Variants in PRELID2 observed in about 807,000 individuals in gnomAD.
PRELID2 encodes the protein PRELI domain-containing protein 2.
In PRELID2, 25 loss-of-function variants were observed where a neutral mutation model predicts 28.4. The ratio of observed to expected loss-of-function variants is 0.88; its 90% confidence interval spans 0.64 to 1.23. PRELID2 has a LOEUF of 1.23. Ranked by LOEUF, PRELID2 falls within the 50% of genes most tolerant of loss-of-function variation. The pLI is 0.00. For missense variants in PRELID2, 201 were observed against 214.4 expected, an observed-to-expected ratio of 0.94 and a Z score of 0.39; for synonymous variants, 76 against 71.6, an observed-to-expected ratio of 1.06 and a Z score of -0.31.
the PRELID2 span, among the ~76,000 whole-genome samples, chr5:145,380,358 C>T: frequency 7.9e-5 from 12 of 152,158 alleles, no homozygotes; most frequent in African/African-American, 2.7e-4. Flanking sequence ...TGGTGCCTTC[C>T]CTCTGAAGAT....
the PRELID2 span, among the ~76,000 whole-genome samples, chr5:145,341,585 A>T: frequency 6.6e-6 from 1 of 152,068 alleles, no homozygotes; most frequent in South Asian, 2.1e-4. Flanking sequence ...ACCAGGTATA[A>T]ATTCTGGCAC....
At chr5:145,340,925 G>A in the PRELID2 span, among the ~76,000 whole-genome samples, 1 of 151,488 alleles carries the variant, frequency 6.6e-6, no homozygotes, top group South Asian at 2.1e-4. Context: ...CTAGTCCCCA[G>A]CAAAACTTCA....
the PRELID2 span, among the ~76,000 whole-genome samples, chr5:145,367,349 G>T: frequency 2.0e-5 from 3 of 151,876 alleles, no homozygotes; most frequent in Non-Finnish European, 2.9e-5. Context: ...AAGGTACCAA[G>T]ATTTCTAATA....
the PRELID2 span, among the ~76,000 whole-genome samples, chr5:145,358,707 G>C: frequency 6.6e-6 from 1 of 152,118 alleles, no homozygotes; most frequent in Non-Finnish European, 1.5e-5. Flanking sequence ...AAGGGAAAAT[G>C]GTCCCTTCAA....
At chr5:145,531,101 T>C (rs1056167128) in intron 1 of PRELID2, among the ~76,000 whole-genome samples, 1 of 152,196 alleles carries the variant, frequency 6.6e-6, no homozygotes, top group East Asian at 1.9e-4. Flanking sequence ...ATTCAACCCC[T>C]GAGAGGGCTC....
the PRELID2 span, among the ~76,000 whole-genome samples, chr5:145,344,698 G>A: frequency 1.3e-5 from 2 of 152,058 alleles, no homozygotes; most frequent in Non-Finnish European, 2.9e-5. Context: ...CTGCCAAGCT[G>A]AGTATTACTA....
Position 145,551,681 on chromosome 5 carries a change from G to T in PRELID2, n.71-78366C>A, listed in dbSNP as rs1281646286. 3.3e-5 allele frequency among the ~76,000 whole-genome samples: 5 copies of T among 152,196 alleles called. No individual in the cohort carries two copies. The East Asian group carries it at 7.7e-4, about 23-fold the overall frequency. ...ATGATTACCCACTGTATCAGTAAGG[G>T]TCTTGGCAGAAAACAGATGGCATAC... On this transcript the variant is annotated intron_variant and non_coding_transcript_variant, in intron 1 of 2. Coordinates refer to the PRELID2 transcript ENST00000510259.
At chr5:145,525,350 A>T (rs1316378698) in intron 1 of PRELID2, among the ~76,000 whole-genome samples, 2 of 152,176 alleles carry the variant, frequency 1.3e-5, no homozygotes, top group African/African-American at 4.8e-5. Flanking sequence ...TGATATATGT[A>T]TACACACACA....
intron 1 of PRELID2, among the ~76,000 whole-genome samples, chr5:145,603,746 G>T (rs1753452800): frequency 6.6e-6 from 1 of 152,014 alleles, no homozygotes; most frequent in African/African-American, 2.4e-5. Context: ...ATTTAATTTG[G>T]GAGGGGGTAA....
intron 1 of PRELID2, among the ~76,000 whole-genome samples, chr5:145,599,876 C>T (rs942332184): frequency 6.6e-6 from 1 of 152,092 alleles, no homozygotes; most frequent in Admixed American, 6.6e-5. Flanking sequence ...TTTCCTAGCC[C>T]CTCAACACCC....
At chr5:145,353,948 G>A in the PRELID2 span, among the ~76,000 whole-genome samples, 1 of 152,090 alleles carries the variant, frequency 6.6e-6, no homozygotes, top group Non-Finnish European at 1.5e-5. Context: ...ATCTCCAGTG[G>A]TTATGGTGAA....
chr5:145,485,766 T>G (rs530589589), intron 1 of PRELID2, among the ~76,000 whole-genome samples: 15 of 152,200 alleles, frequency 9.9e-5, no homozygotes, highest in Non-Finnish European at 1.5e-5. Flanking sequence ...TACATGCTCA[T>G]TCTCCTGCCA....
chr5:145,551,437 T>TAAAC lies in PRELID2; in HGVS notation n.71-78126_71-78123dup, dbSNP rs1554076032. 1.5e-3 allele frequency among the ~76,000 whole-genome samples: 209 copies of TAAAC among 142,400 alleles called. 4 individuals are homozygous for TAAAC. The highest frequency in any genetic ancestry group is 5.1e-3 in the African/African-American group (202 of 39,600). The allele number at this position is 142,400 out of a possible 152,430, so 93.4% of individuals were successfully genotyped here. A position where few individuals can be genotyped will look rare whatever the true frequency, so the allele number is the denominator to read the frequency against. ...ATAAATAAATAAATAAATAAATAAA[T>TAAAC]AAACCTGCTTAACAACTATTAGAAA... On this transcript the variant is annotated intron_variant and non_coding_transcript_variant, in intron 1 of 2. Coordinates refer to the PRELID2 transcript ENST00000510259.
chr5:145,278,261 C>T, the PRELID2 span, among the ~76,000 whole-genome samples: 1 of 152,260 alleles, frequency 6.6e-6, no homozygotes, highest in South Asian at 2.1e-4. Flanking sequence ...AATAATATTA[C>T]CACCAACTTA....
the PRELID2 span, among the ~76,000 whole-genome samples, chr5:145,254,590 A>G: frequency 6.6e-6 from 1 of 152,098 alleles, no homozygotes; most frequent in Non-Finnish European, 1.5e-5. Context: ...GAGAAACCCT[A>G]CAGGTCATGG....
At chr5:145,476,765 T>G in intron 1 of PRELID2, among the ~76,000 whole-genome samples, 1 of 152,212 alleles carries the variant, frequency 6.6e-6, no homozygotes, top group Admixed American at 6.5e-5. Context: ...TTTTTATTTA[T>G]AAATTCTCCT....
intron 1 of PRELID2, among the ~76,000 whole-genome samples, chr5:145,637,615 GA>G (rs1348347674): frequency 6.6e-6 from 1 of 151,990 alleles, no homozygotes; most frequent in African/African-American, 2.4e-5. Flanking sequence ...CCAGTGGGAA[GA>G]AAAAACCAGT....
At chr5:145,343,284 G>A in the PRELID2 span, among the ~76,000 whole-genome samples, 4 of 151,740 alleles carry the variant, frequency 2.6e-5, no homozygotes, top group Admixed American at 2.6e-4. Flanking sequence ...CACAAAACAA[G>A]TCTCAACAAA....
chr5:145,402,636 G>A, the PRELID2 span, among the ~76,000 whole-genome samples: 1 of 152,104 alleles, frequency 6.6e-6, no homozygotes, highest in Non-Finnish European at 1.5e-5. Context: ...TACAAGATAA[G>A]TTTTCTTATC....
Sources: allele counts gnomAD v4.1 joint callset (sites outside exome capture counted in the v4.1 genomes callset), GRCh38; gene constraint gnomAD v4.1.1; transcripts MANE v1.5; gene names NCBI Gene and HGNC (gene_info 2026-07-23, HGNC 2026-07-21).